Variants in IL17RD observed in about 807,000 individuals in gnomAD.
The protein encoded by IL17RD is interleukin-17 receptor D.
In IL17RD, 52 loss-of-function variants were observed where a neutral mutation model predicts 80.5. The observed-to-expected ratio is 0.65, with a 90% CI of 0.52 to 0.81. The LOEUF is 0.81. Among genes scored for constraint, IL17RD ranks in the 40% least tolerant of loss-of-function variants. The pLI is 0.00. For missense variants in IL17RD, 1,024 were observed against 955.1 expected (o/e 1.07, Z -0.95); for synonymous variants, 416 against 391.8 (o/e 1.06, Z -0.73).
intron 1 of IL17RD, among the ~76,000 whole-genome samples, chr3:57,160,275 G>C (rs1294012031): frequency 6.6e-6 from 1 of 151,458 alleles, no homozygotes; most frequent in Non-Finnish European, 1.5e-5. Context: ...AAAAGTTCAG[G>C]GACAGAGGAA....
rs1559477039 is a variant in IL17RD at position 57,127,307 on chromosome 3, A to AATATATATAAATATATATAAAT, written c.127-6995_127-6994insATTTATATATATTTATATATAT. ...ATAAATATATATAAATATATATAAAAATATATAAAAATATATATAAATATA... is the reference window on the plus strand; with the variant it reads ...ATAAATATATATAAATATATATAAAAATATATATAAATATATATAAATATATATAAAAATATATATAAATATA... On this transcript the variant is annotated intron_variant, in intron 1 of 12. Coordinates refer to ENST00000296318, the MANE Select transcript of IL17RD (RefSeq NM_017563.5). 2.4e-4 allele frequency among the ~76,000 whole-genome samples: 19 copies of AATATATATAAATATATATAAAT among 80,064 alleles called. 1 individual carries two copies. Among genetic ancestry groups the AATATATATAAATATATATAAAT allele is most frequent in the Admixed American group, 7.0e-4 (4 of 5,716 alleles). The allele number at this position is 80,064 out of a possible 152,430, so 52.5% of individuals were successfully genotyped here.
intron 1 of IL17RD, among the ~76,000 whole-genome samples, chr3:57,158,675 C>G (rs1207324816): frequency 6.6e-6 from 1 of 152,148 alleles, no homozygotes; most frequent in Non-Finnish European, 1.5e-5. Flanking sequence ...AATGGAGTTG[C>G]AAACATCAAT....
intron 2 of IL17RD, 122 bp downstream of exon 2, chr3:57,120,134 A>C: frequency 1.3e-6 from 1 of 764,096 alleles, no homozygotes; most frequent in Non-Finnish European, 2.3e-6. Context: ...CTGTTGACAA[A>C]CCTGAACAGG....
intron 2 of IL17RD, among the ~76,000 whole-genome samples, chr3:57,118,560 A>G (rs1707266494): frequency 6.6e-6 from 1 of 152,190 alleles, no homozygotes; most frequent in Non-Finnish European, 1.5e-5. Flanking sequence ...TATGGCTGAT[A>G]AAGCTAAAAT....
At chr3:57,128,798 G>GC (rs1484663043) in intron 1 of IL17RD, among the ~76,000 whole-genome samples, 2 of 151,920 alleles carry the variant, frequency 1.3e-5, no homozygotes, top group Non-Finnish European at 2.9e-5. Flanking sequence ...ACACACACAC[G>GC]CAATGCACAC....
At chr3:57,119,679 ATTTCACAC>A in intron 2 of IL17RD, among the ~76,000 whole-genome samples, 1 of 18,028 alleles carries the variant, frequency 5.5e-5, no homozygotes, top group Middle Eastern at 0.038. Flanking sequence ...CCTTGTGTGA[ATTTCACAC>A]AGATTCACCT....
chr3:57,141,202 G>A (rs1055956056), intron 1 of IL17RD, among the ~76,000 whole-genome samples: 14 of 152,072 alleles, frequency 9.2e-5, no homozygotes, highest in African/African-American at 3.4e-4. Context: ...GCACCCAGCC[G>A]ACCCTCATAA....
intron 1 of IL17RD, among the ~76,000 whole-genome samples, chr3:57,164,711 G>A (rs1045279149): frequency 2.0e-5 from 3 of 152,120 alleles, no homozygotes; most frequent in African/African-American, 4.8e-5. Context: ...CGGCCGCCCG[G>A]GCCTTAGCAG....
Position 57,091,457 on chromosome 3 carries a change from T to C in IL17RD, c.*4936A>G, listed in dbSNP as rs1363928793. 6.6e-6 allele frequency: 1 copy of C among 152,536 alleles called. No individual in the cohort carries two copies. The highest frequency in any genetic ancestry group is 6.5e-5 in the Admixed American group (1 of 15,272). The allele number at this position is 152,536 out of a possible 1,614,324, so 9.4% of individuals were successfully genotyped here. A position where few individuals can be genotyped will look rare whatever the true frequency, so the allele number is the denominator to read the frequency against. The stretch of plus-strand genomic sequence containing the variant: ...TGGGTGTGCAAGAATTTCCCCATAA[T>C]CCCCATCCTGAGCCTCGTCTTCACA... On this transcript the variant is annotated 3_prime_UTR_variant, in exon 13 of 13. Transcript: ENST00000296318.
intron 1 of IL17RD, among the ~76,000 whole-genome samples, chr3:57,124,746 G>A (rs1398768396): frequency 6.6e-6 from 1 of 152,170 alleles, no homozygotes; most frequent in Admixed American, 6.5e-5. Flanking sequence ...TATTATAGAA[G>A]CAACTGAAAG....
Position 57,097,675 on chromosome 3 carries a change from CAG to C in IL17RD, c.2026_2027del (p.Leu676AlafsTer28). The C allele has an allele frequency of 6.2e-7, 1 of 1,605,220 alleles. No individual in the cohort carries two copies. Among genetic ancestry groups the C allele is most frequent in the Non-Finnish European group, 8.5e-7 (1 of 1,176,242 alleles). Reference sequence around the variant, plus strand: ...CCGTCGAGAGTCCTTCCATCAGTGGCAGAGACAGCTCGGATGAGGGCACAGAC... The same window carrying C: ...CCGTCGAGAGTCCTTCCATCAGTGGCAGACAGCTCGGATGAGGGCACAGAC... ...DSSVPSSELS[L>X]PLMEGLSTDQ... is the part of the protein sequence containing the mutation. On this transcript the variant is annotated frameshift_variant, in exon 12 of 13. Transcript: ENST00000296318. LOFTEE classifies it high-confidence loss of function.
chr3:57,160,797 C>A (rs1293155833), intron 1 of IL17RD, among the ~76,000 whole-genome samples: 1 of 152,186 alleles, frequency 6.6e-6, no homozygotes, highest in Non-Finnish European at 1.5e-5. Flanking sequence ...GCATGCGTAT[C>A]CTCAAAAGAA....
chr3:57,146,483 G>A (rs1011342337), intron 1 of IL17RD, among the ~76,000 whole-genome samples: 1 of 152,172 alleles, frequency 6.6e-6, no homozygotes, highest in Non-Finnish European at 1.5e-5. Flanking sequence ...GGGCGCGGTG[G>A]CTCATGCCTG....
chr3:57,165,435 C>G (rs1339753046), upstream of IL17RD: 2 of 564,352 alleles, frequency 3.5e-6, no homozygotes, highest in East Asian at 1.3e-4. Flanking sequence ...CGCCCCCACC[C>G]TCAGTCCTCG....
rs1579265592 is a variant in IL17RD, at chr3:57,106,078, G to C, written c.595+32C>G. 8.1e-6 allele frequency: 13 copies of C among 1,611,474 alleles called. No homozygotes were observed. The East Asian group carries it at 2.9e-4, about 36-fold the overall frequency. Reference sequence around the variant, plus strand: ...AACACCATCATAGTGGCGATACTTTGAGACTTGATAGATAAGAACACTATT... The same window carrying C: ...AACACCATCATAGTGGCGATACTTTCAGACTTGATAGATAAGAACACTATT... On this transcript the variant is annotated intron_variant, in intron 6 of 12. Transcript: ENST00000296318.
intron 1 of IL17RD, among the ~76,000 whole-genome samples, chr3:57,121,894 ACTCCCCATC>A (rs1707347400): frequency 1.3e-5 from 2 of 151,690 alleles, no homozygotes; most frequent in Non-Finnish European, 2.9e-5. Flanking sequence ...ACATAAACTC[ACTCCCCATC>A]TATTAGGAGC....
intron 3 of IL17RD, among the ~76,000 whole-genome samples, chr3:57,110,677 G>A (rs1181492428): frequency 6.6e-6 from 1 of 152,226 alleles, no homozygotes; most frequent in Non-Finnish European, 1.5e-5. Flanking sequence ...TTTGGCTGAT[G>A]ATAATTTCCA....
chr3:57,148,468 T>C (rs17216893), intron 1 of IL17RD, among the ~76,000 whole-genome samples: 22,829 of 152,200 alleles, frequency 0.15, 2,284 homozygotes, highest in East Asian at 0.38. Context: ...CTCACGAAAT[T>C]TTTTGTTACC....
Position 57,114,814 on chromosome 3 carries a change from C to G in IL17RD, c.188G>C (p.Cys63Ser), listed in dbSNP as rs1448187237. Reference protein sequence around the residue: ...LYNITFKYDNCTTYLNPVGKH... With the variant: ...LYNITFKYDNSTTYLNPVGKH... ...CCCCACTGGATTCAAGTAGGTGGTA[C>G]AATCTAGAGAGTAGGGAGAATGAGA... The change falls in exon 3 of 13, where the codon TGT becomes TCT. Residue 63 changes from cysteine (C) to serine (S), a missense_variant. Coordinates refer to ENST00000296318, the MANE Select transcript of IL17RD (RefSeq NM_017563.5). 1.3e-6 allele frequency: 2 copies of G among 1,584,894 alleles called. No individual in the cohort carries two copies. Among genetic ancestry groups the G allele is most frequent in the Admixed American group, 1.9e-5 (1 of 52,656 alleles).
Sources: gnomAD v4.1 joint callset for allele counts (sites outside exome capture counted in the v4.1 genomes callset) on GRCh38, gnomAD v4.1.1 for gene constraint, MANE v1.5 for transcripts, NCBI Gene and HGNC (gene_info 2026-07-23, HGNC 2026-07-21) for gene names.